The following CROT variants were observed in gnomAD, a reference collection of about 807,000 sequenced individuals.
CROT encodes carnitine O-octanoyltransferase, also known as peroxisomal carnitine O-octanoyltransferase.
In CROT, 84 loss-of-function variants were observed where a neutral mutation model predicts 89.2. That is an observed-to-expected ratio of 0.94 (90% CI 0.79 to 1.13). The LOEUF is 1.13. Among genes scored for constraint, CROT ranks in the 50% most tolerant of loss-of-function variants. The probability of loss-of-function intolerance (pLI) is 0.00; values close to 1 mark genes in which losing one functional copy is unlikely to be tolerated. For missense variants in CROT, 711 were observed against 727.8 expected (o/e 0.98, Z 0.27); for synonymous variants, 212 against 239.5 (o/e 0.89, Z 1.06).
At chr7:87,389,824 GTTGTTGTTCC>G (rs1195735678) in intron 13 of CROT, among the ~76,000 whole-genome samples, 1 of 71,306 alleles carries the variant, frequency 1.4e-5, no homozygotes, top group Non-Finnish European at 4.5e-5. Context: ...TCCAGTTTTT[GTTGTTGTTCC>G]TAGCATTAAG....
At chr7:87,349,973 T>C (rs1226490530) in intron 3 of CROT, among the ~76,000 whole-genome samples, 1 of 152,128 alleles carries the variant, frequency 6.6e-6, no homozygotes, top group African/African-American at 2.4e-5. Context: ...CCCAATTGTT[T>C]CTAGAAAGTT....
chr7:87,351,565 A>G (rs944924655), intron 3 of CROT, among the ~76,000 whole-genome samples: 3 of 151,772 alleles, frequency 2.0e-5, no homozygotes, highest in African/African-American at 7.3e-5. Context: ...TAGTAATTTC[A>G]TTTTGAGAGT....
Position 87,393,066 on chromosome 7 carries a change from A to G in CROT, c.1717A>G (p.Arg573Gly), listed in dbSNP as rs1185397200. 6.2e-7 allele frequency: 1 copy of G among 1,611,514 alleles called. No individual in the cohort carries two copies. ...ATTTTTCTACCATATCAGAGATGAC[A>G]GGTGAGGCTTCTCTTTTTTATTCTT... is the stretch of plus-strand genomic sequence containing the variant. Reference protein sequence around the residue: ...YGFFYHIRDDRFVVACSAWKS... With the variant: ...YGFFYHIRDDGFVVACSAWKS... The change falls in exon 17 of 18, where the codon AGG becomes GGG. Residue 573 changes from arginine (R) to glycine (G), a missense_variant and splice_region_variant. Coordinates refer to ENST00000331536, the MANE Select transcript of CROT (RefSeq NM_021151.4).
chr7:87,394,380 T>C (rs1807458842), intron 17 of CROT, among the ~76,000 whole-genome samples: 1 of 152,160 alleles, frequency 6.6e-6, no homozygotes, highest in South Asian at 2.1e-4. Flanking sequence ...CATTGAATAA[T>C]ACCATGGGAC....
At chr7:87,376,665 C>A (rs1276144519) in intron 9 of CROT, among the ~76,000 whole-genome samples, 8 of 148,474 alleles carry the variant, frequency 5.4e-5, no homozygotes, top group South Asian at 2.1e-4. Context: ...CACCAGACTT[C>A]TTTTTAAGGA....
chr7:87,381,815 A>G, intron 10 of CROT, 95 bp from the exon 11 acceptor site: 2 of 772,834 alleles, frequency 2.6e-6, no homozygotes, highest in Non-Finnish European at 4.2e-6. Context: ...ATGCTTTATT[A>G]TCTGTTAAGA....
At chr7:87,366,332 T>C (rs916662592) in intron 6 of CROT, among the ~76,000 whole-genome samples, 3 of 152,004 alleles carry the variant, frequency 2.0e-5, no homozygotes, top group Admixed American at 2.0e-4. Context: ...TTTCCCTTCG[T>C]CCTTAACAAT....
intron 10 of CROT, among the ~76,000 whole-genome samples, chr7:87,380,097 C>G (rs1418194180): frequency 6.6e-6 from 1 of 152,080 alleles, no homozygotes; most frequent in Non-Finnish European, 1.5e-5. Flanking sequence ...GGCAACAGAA[C>G]AAGACCCTGT....
Position 87,375,818 on chromosome 7 carries a change from T to C in CROT, c.751-10T>C. 6.2e-7 allele frequency: 1 copy of C among 1,613,124 alleles called. No homozygotes were observed. The highest frequency in any genetic ancestry group is 8.5e-7 in the Non-Finnish European group (1 of 1,179,420). On this transcript the variant is annotated splice_polypyrimidine_tract_variant and intron_variant, in intron 8 of 17. Coordinates refer to ENST00000331536, the MANE Select transcript of CROT (RefSeq NM_021151.4). ...TTGTAATATTTGATCATCATCTCCTTGCCCTTTAGGCACGAGAATATCTGA... is the reference window on the plus strand; with the variant it reads ...TTGTAATATTTGATCATCATCTCCTCGCCCTTTAGGCACGAGAATATCTGA...
At chr7:87,379,142 T>C (rs1280902828) in intron 10 of CROT, among the ~76,000 whole-genome samples, 1 of 152,178 alleles carries the variant, frequency 6.6e-6, no homozygotes, top group Non-Finnish European at 1.5e-5. Context: ...GCCCCCTGGC[T>C]TCTTCCCTTC....
intron 17 of CROT, 49 bp downstream of exon 17, chr7:87,393,116 A>G (rs780976090): frequency 6.4e-7 from 1 of 1,573,404 alleles, no homozygotes; most frequent in African/African-American, 1.4e-5. Context: ...TAGGAAAGGT[A>G]TTACTTTTGT....
intron 2 of CROT, among the ~76,000 whole-genome samples, chr7:87,348,393 G>A (rs6944268): frequency 0.054 from 8,229 of 151,930 alleles, 534 homozygotes; most frequent in African/African-American, 0.16. Context: ...TACGACCTGT[G>A]CAATTAAAGC....
intron 7 of CROT, among the ~76,000 whole-genome samples, chr7:87,371,587 T>C (rs1344542259): frequency 3.3e-5 from 5 of 152,220 alleles, no homozygotes; most frequent in Non-Finnish European, 5.9e-5. Flanking sequence ...TTTAAAATTT[T>C]TGACTGAGTC....
intron 10 of CROT, among the ~76,000 whole-genome samples, chr7:87,381,125 T>C (rs1363730418): frequency 6.6e-6 from 1 of 152,194 alleles, no homozygotes; most frequent in African/African-American, 2.4e-5. Context: ...ATCTTGATAC[T>C]ACTTCCCTTC....
intron 13 of CROT, among the ~76,000 whole-genome samples, chr7:87,390,750 A>G (rs1807333193): frequency 6.6e-6 from 1 of 152,154 alleles, no homozygotes; most frequent in Non-Finnish European, 1.5e-5. Context: ...CTAGTCCTTC[A>G]TGTTCTATAT....
At chr7:87,383,497 C>CTTT (rs35655724) in intron 13 of CROT, among the ~76,000 whole-genome samples, 1 of 130,454 alleles carries the variant, frequency 7.7e-6, no homozygotes, top group Non-Finnish European at 1.7e-5. Flanking sequence ...ATGTATATCA[C>CTTT]TTTTTTTTTT....
At chr7:87,351,978 C>G (rs1805881947) in intron 3 of CROT, among the ~76,000 whole-genome samples, 1 of 152,156 alleles carries the variant, frequency 6.6e-6, no homozygotes, top group Admixed American at 6.5e-5. Flanking sequence ...ATCTTAGATT[C>G]TATTTATAAT....
In CROT at chr7:87,359,232, T is replaced by C; in HGVS notation, c.142T>C (p.Tyr48His). Reference protein sequence around the residue: ...SVKPFANQEEYKKTEEIVQKF... With the variant: ...SVKPFANQEEHKKTEEIVQKF... ...GAAACCATTTGCAAATCAAGAAGAA[T>C]ATAAGAAAACTGAAGAAATAGTTCA... The change falls in exon 4 of 18, where the codon TAT becomes CAT. Residue 48 changes from tyrosine to histidine, a missense_variant. Physicochemically the swap from Tyr to His is moderately conservative, Grantham distance 83 (BLOSUM62 2). Coordinates refer to ENST00000331536, the MANE Select transcript of CROT (RefSeq NM_021151.4). 6.3e-7 allele frequency: 1 copy of C among 1,586,652 alleles called. No homozygotes were observed. The highest frequency in any genetic ancestry group is 8.6e-7 in the Non-Finnish European group (1 of 1,159,068).
intron 2 of CROT, among the ~76,000 whole-genome samples, chr7:87,347,046 T>G (rs1805705014): frequency 6.6e-6 from 1 of 152,236 alleles, no homozygotes; most frequent in Non-Finnish European, 1.5e-5. Flanking sequence ...TTCAGTTCTT[T>G]AAGGCCATCT....
Sources: gnomAD v4.1 joint callset for allele counts (sites outside exome capture counted in the v4.1 genomes callset) on GRCh38, gnomAD v4.1.1 for gene constraint, MANE v1.5 for transcripts, NCBI Gene and HGNC (gene_info 2026-07-23, HGNC 2026-07-21) for gene names.